DLG2: variants seen among roughly 807,000 people sequenced by gnomAD.
The protein encoded by DLG2 is disks large homolog 2.
In DLG2, 45 loss-of-function variants were observed where a neutral mutation model predicts 132.5. That is an observed-to-expected ratio of 0.34 (90% CI 0.27 to 0.44). DLG2 has a LOEUF of 0.44. Among genes scored for constraint, DLG2 ranks in the 20% least tolerant of loss-of-function variants. The pLI, the probability that DLG2 is intolerant of heterozygous loss-of-function variation, is 1.00. For missense variants in DLG2, 1,045 were observed against 1,196.9 expected (o/e 0.87, Z 1.87); for synonymous variants, 424 against 419.6 (o/e 1.01, Z -0.13).
intron 6 of DLG2, among the ~76,000 whole-genome samples, chr11:85,098,460 G>T (rs1046963816): frequency 6.6e-6 from 1 of 152,154 alleles, no homozygotes; most frequent in African/African-American, 2.4e-5. Context: ...CATTCCGTGT[G>T]TACTCTAGAA....
chr11:85,004,654 C>T (rs2058490323), intron 6 of DLG2, among the ~76,000 whole-genome samples: 1 of 152,126 alleles, frequency 6.6e-6, no homozygotes, highest in African/African-American at 2.4e-5. Flanking sequence ...ACTTTTCTCC[C>T]ATTCTGTAGA....
chr11:85,486,793 C>A (rs1397552590), intron 3 of DLG2, among the ~76,000 whole-genome samples: 4 of 151,950 alleles, frequency 2.6e-5, no homozygotes, highest in Admixed American at 6.6e-5. Flanking sequence ...AAGCCTGGCC[C>A]CCCCTGCTAC....
At chr11:84,251,691 G>A (rs986948155) in intron 7 of DLG2, among the ~76,000 whole-genome samples, 6 of 131,602 alleles carry the variant, frequency 4.6e-5, no homozygotes, top group Admixed American at 9.2e-5. Flanking sequence ...CACCCAGGCT[G>A]GAGTGCAGTG....
In DLG2 at chr11:84,721,112, G is replaced by A. The variant is rs185146806; in HGVS notation, c.358-186381C>T. 5.9e-5 allele frequency among the ~76,000 whole-genome samples: 9 copies of A among 152,184 alleles called. No individual in the cohort carries two copies. The East Asian group carries it at 1.6e-3, about 26-fold the overall frequency. ...TTGGCCCCCACCGCTACAGCCACCC[G>A]AGGGTAGAAGACCTCCGAGGCCGAC... On this transcript the variant is annotated intron_variant, in intron 6 of 27. Transcript: ENST00000376104.
At chr11:84,881,185 C>T (rs538199245) in intron 6 of DLG2, among the ~76,000 whole-genome samples, 14 of 152,218 alleles carry the variant, frequency 9.2e-5, no homozygotes, top group East Asian at 5.8e-4. Flanking sequence ...TGTGACCTTT[C>T]CCATGACATT....
At chr11:85,231,558 T>A (rs1386442465) in intron 4 of DLG2, among the ~76,000 whole-genome samples, 3 of 152,018 alleles carry the variant, frequency 2.0e-5, no homozygotes, top group Admixed American at 6.6e-5. Flanking sequence ...CTCTATTGAC[T>A]ATTTTTTTTC....
At chr11:84,370,873 A>T (rs1297175820) in intron 7 of DLG2, among the ~76,000 whole-genome samples, 1 of 152,192 alleles carries the variant, frequency 6.6e-6, no homozygotes, top group Non-Finnish European at 1.5e-5. Context: ...CATACTAATA[A>T]AGACCACTAT....
intron 8 of DLG2, among the ~76,000 whole-genome samples, chr11:84,225,039 C>G (rs1226447931): frequency 6.6e-6 from 1 of 152,132 alleles, no homozygotes; most frequent in East Asian, 1.9e-4. Context: ...CTTCTTACTC[C>G]CTCTTCACAG....
chr11:84,093,137 T>C (rs1243836042), intron 10 of DLG2, among the ~76,000 whole-genome samples: 1 of 152,266 alleles, frequency 6.6e-6, no homozygotes, highest in African/African-American at 2.4e-5. Context: ...TATTGGTGTA[T>C]GTCATAAGTC....
chr11:85,133,700 T>A (rs527495552), intron 5 of DLG2, among the ~76,000 whole-genome samples: 1 of 152,268 alleles, frequency 6.6e-6, no homozygotes, highest in East Asian at 1.9e-4. Flanking sequence ...AACTTCCACA[T>A]TCTGAGTGAA....
chr11:83,906,296 CA>C (rs1201424267), intron 15 of DLG2, among the ~76,000 whole-genome samples: 13 of 140,270 alleles, frequency 9.3e-5, no homozygotes, highest in South Asian at 2.4e-4. Context: ...CACACACACA[CA>C]CACACACACA....
At chr11:85,033,075 A>G (rs989343369) in intron 6 of DLG2, among the ~76,000 whole-genome samples, 2 of 152,232 alleles carry the variant, frequency 1.3e-5, no homozygotes, top group African/African-American at 2.4e-5. Context: ...AATATTATTT[A>G]TATGTGCTTT....
At chr11:83,675,692 T>C (rs531535121) in intron 18 of DLG2, among the ~76,000 whole-genome samples, 9 of 152,356 alleles carry the variant, frequency 5.9e-5, no homozygotes, top group Admixed American at 5.9e-4. Flanking sequence ...TTAGGTTTTC[T>C]GTTCCTTATT....
chr11:84,695,933 T>C (rs2039448313), intron 6 of DLG2, among the ~76,000 whole-genome samples: 1 of 151,482 alleles, frequency 6.6e-6, no homozygotes, highest in Non-Finnish European at 1.5e-5. Flanking sequence ...GTCTGCTCCA[T>C]AAATACTGCT....
intron 7 of DLG2, among the ~76,000 whole-genome samples, chr11:84,529,875 T>C (rs1233890729): frequency 1.3e-5 from 2 of 152,156 alleles, no homozygotes; most frequent in Non-Finnish European, 2.9e-5. Context: ...GAGTATCACA[T>C]TCTTGGACTT....
chr11:85,492,871 A>G (rs1011743626), intron 3 of DLG2, among the ~76,000 whole-genome samples: 7 of 152,146 alleles, frequency 4.6e-5, no homozygotes, highest in African/African-American at 1.7e-4. Flanking sequence ...TTGTTAAGGT[A>G]TAAAAAGAAA....
intron 6 of DLG2, chr11:85,021,159 A>G: frequency 2.3e-6 from 2 of 869,856 alleles, no homozygotes; most frequent in Non-Finnish European, 4.0e-6. Context: ...CCCGCTGCCC[A>G]TTCTTAGAAT....
At chr11:84,668,631 C>G (rs772149093) in intron 6 of DLG2, among the ~76,000 whole-genome samples, 6 of 152,118 alleles carry the variant, frequency 3.9e-5, no homozygotes, top group Admixed American at 3.9e-4. Context: ...AAAACACAAA[C>G]ACTTTCAAAA....
chr11:84,625,316 G>C (rs1379036405), intron 6 of DLG2, among the ~76,000 whole-genome samples: 3 of 152,136 alleles, frequency 2.0e-5, no homozygotes, highest in Non-Finnish European at 4.4e-5. Flanking sequence ...ACTGGCAACT[G>C]CACTAGAAAC....
Sources: allele counts gnomAD v4.1 joint callset (sites outside exome capture counted in the v4.1 genomes callset), GRCh38; gene constraint gnomAD v4.1.1; transcripts MANE v1.5; gene names NCBI Gene and HGNC (gene_info 2026-07-23, HGNC 2026-07-21).